The following ARHGAP44 variants were observed in gnomAD, a reference collection of about 807,000 sequenced individuals.
The protein encoded by ARHGAP44 is rho GTPase-activating protein 44.
Under a neutral mutation model 106.8 loss-of-function variants are expected in ARHGAP44, and 43 were observed. The ratio of observed to expected loss-of-function variants is 0.40; its 90% CI spans 0.32 to 0.52. ARHGAP44 has a LOEUF of 0.52. Ranked by LOEUF, ARHGAP44 falls within the 20% of genes least tolerant of loss-of-function variation. ARHGAP44 has a pLI of 0.48. For synonymous variants in ARHGAP44, 439 were observed against 410.3 expected, an observed-to-expected ratio of 1.07 and a Z score of -0.85; for missense variants, 866 against 1,050.5, an observed-to-expected ratio of 0.82 and a Z score of 2.43.
At position 12,840,760 on chromosome 17, in the gene ARHGAP44, A is replaced by G. The variant is rs553621456; in HGVS notation, c.53+50869A>G. On this transcript the variant is annotated intron_variant, in intron 1 of 20. Coordinates refer to ENST00000379672, the MANE Select transcript of ARHGAP44 (RefSeq NM_014859.6). Reference sequence around the variant, plus strand: ...AAGAGCGGAGATTCATGTCATAGACATAAATTAACCTGAGACGGCACAAGT... The same window carrying G: ...AAGAGCGGAGATTCATGTCATAGACGTAAATTAACCTGAGACGGCACAAGT... Among the ~76,000 whole-genome samples the G allele has an allele frequency of 2.0e-5, 3 of 152,364 alleles. No homozygotes were observed. The South Asian group carries it at 6.2e-4, about 32-fold the overall frequency.
intron 1 of ARHGAP44, among the ~76,000 whole-genome samples, chr17:12,857,171 T>G (rs76696750): frequency 0.026 from 3,930 of 152,310 alleles, 161 homozygotes; most frequent in African/African-American, 0.086. Flanking sequence ...GGGTGCTTGT[T>G]CATGTGCAAG....
rs566199034 is a variant in ARHGAP44, at chr17:12,974,007, A to T, written c.1542-82A>T. ...CTGCGCTGCTCTTCTCCCAACGCGG[A>T]CCTGCTTGAATGTGGGGGAGGGAGC... is the stretch of plus-strand genomic sequence containing the variant. On this transcript the variant is annotated intron_variant, in intron 17 of 20. Transcript: ENST00000379672. The T allele has an allele frequency of 3.0e-4, 419 of 1,396,922 alleles. No homozygotes were observed. The African/African-American group carries it at 5.2e-3, about 17-fold the overall frequency. 86.5% of individuals were successfully genotyped at this position (1,396,922 alleles called of 1,614,324 possible).
chr17:12,895,855 A>G (rs2037186419), intron 2 of ARHGAP44, among the ~76,000 whole-genome samples: 2 of 152,164 alleles, frequency 1.3e-5, no homozygotes. Context: ...ACCAACCCAA[A>G]TGTCCATCAA....
rs776346185 is a variant in ARHGAP44 at position 12,849,568 on chromosome 17, C to CTT, written c.54-45347_54-45346dup. 7.6e-3 allele frequency among the ~76,000 whole-genome samples: 531 copies of CTT among 69,918 alleles called. 71 individuals carry two copies. Among genetic ancestry groups the CTT allele is most frequent in the African/African-American group, 0.039 (435 of 11,290 alleles). The allele number at this position is 69,918 out of a possible 152,430, so 45.9% of individuals were successfully genotyped here. On this transcript the variant is annotated intron_variant, in intron 1 of 20. Coordinates refer to ENST00000379672, the MANE Select transcript of ARHGAP44 (RefSeq NM_014859.6). Reference sequence around the variant, plus strand: ...CTAGTCTTTCCTTCCTACTTTTGTCCTTTTTTTTTTTTTTTTTTTTTTTTT... The same window carrying CTT: ...CTAGTCTTTCCTTCCTACTTTTGTCCTTTTTTTTTTTTTTTTTTTTTTTTTTT...
chr17:12,848,652 G>T (rs1279775868), intron 1 of ARHGAP44, among the ~76,000 whole-genome samples: 2 of 152,082 alleles, frequency 1.3e-5, no homozygotes, highest in South Asian at 2.1e-4. Context: ...ATCCCTCATT[G>T]GCTTCATCTT....
chr17:12,963,707 G>A (rs995076205), intron 16 of ARHGAP44, among the ~76,000 whole-genome samples: 7 of 152,104 alleles, frequency 4.6e-5, no homozygotes, highest in African/African-American at 1.4e-4. Flanking sequence ...CACCAGTGCC[G>A]TGTGTGCAGA....
intron 3 of ARHGAP44, among the ~76,000 whole-genome samples, chr17:12,898,868 T>G (rs952445594): frequency 6.6e-6 from 1 of 152,194 alleles, no homozygotes; most frequent in African/African-American, 2.4e-5. Context: ...TGCAGTCACA[T>G]GCATGCAGTG....
intron 16 of ARHGAP44, among the ~76,000 whole-genome samples, chr17:12,960,565 C>CAAAAAAA (rs373750247): frequency 6.7e-6 from 1 of 149,488 alleles, no homozygotes. Flanking sequence ...GACTCCATCT[C>CAAAAAAA]AAAGAAAAAA....
chr17:12,884,931 C>T (rs1421235608), intron 1 of ARHGAP44, among the ~76,000 whole-genome samples: 2 of 151,964 alleles, frequency 1.3e-5, no homozygotes, highest in Non-Finnish European at 2.9e-5. Context: ...GATGGAGTCT[C>T]GCTGTGTCAC....
At chr17:12,802,969 ATTTTTT>A (rs1162376884) in intron 1 of ARHGAP44, among the ~76,000 whole-genome samples, 15 of 40,842 alleles carry the variant, frequency 3.7e-4, no homozygotes, top group East Asian at 9.9e-4. Context: ...ATATATATAT[ATTTTTT>A]TTTTTTTTTT....
At chr17:12,928,893 C>G (rs1381262440) in intron 6 of ARHGAP44, 36 bp from the exon 7 acceptor site, 5 of 1,563,448 alleles carry the variant, frequency 3.2e-6, no homozygotes, top group Non-Finnish European at 4.4e-6. Context: ...AGGGCTCTAC[C>G]TGTCTCACAT....
intron 3 of ARHGAP44, among the ~76,000 whole-genome samples, chr17:12,901,845 A>G (rs1598023837): frequency 6.6e-6 from 1 of 152,074 alleles, no homozygotes; most frequent in East Asian, 1.9e-4. Flanking sequence ...ACCATTCTTT[A>G]TTCTTTCCTT....
At chr17:12,896,233 A>G (rs1041772254) in intron 2 of ARHGAP44, among the ~76,000 whole-genome samples, 174 bp from the exon 3 acceptor site, 2 of 152,118 alleles carry the variant, frequency 1.3e-5, no homozygotes, top group African/African-American at 2.4e-5. Flanking sequence ...CATTGTGCAC[A>G]CGTACCTTAG....
chr17:12,938,299 T>C (rs6502219), intron 7 of ARHGAP44, among the ~76,000 whole-genome samples: 55,821 of 151,906 alleles, frequency 0.37, 10,970 homozygotes, highest in African/African-American at 0.51. Context: ...AGTAAGTAGA[T>C]ATAATTGTAG....
chr17:12,874,747 C>T (rs2036502018), intron 1 of ARHGAP44, among the ~76,000 whole-genome samples: 1 of 149,672 alleles, frequency 6.7e-6, no homozygotes, highest in Non-Finnish European at 1.5e-5. Flanking sequence ...AAAAAAAAGG[C>T]AGTTGTGCCC....
intron 1 of ARHGAP44, among the ~76,000 whole-genome samples, chr17:12,839,332 T>G (rs1361588054): frequency 6.6e-6 from 1 of 152,206 alleles, no homozygotes; most frequent in African/African-American, 2.4e-5. Context: ...CAAGGGAAAC[T>G]TCTTTAACCT....
At chr17:12,959,108 G>A in intron 16 of ARHGAP44, 1 of 591,264 alleles carries the variant, frequency 1.7e-6, no homozygotes, top group East Asian at 3.0e-5. Flanking sequence ...AGCCTTCTTA[G>A]CTGACACAGT....
intron 1 of ARHGAP44, among the ~76,000 whole-genome samples, chr17:12,862,981 A>G (rs1184778297): frequency 6.6e-6 from 1 of 150,778 alleles, no homozygotes; most frequent in Admixed American, 6.6e-5. Context: ...GACCCTGTCT[A>G]TTAAAAAAAT....
rs1017119460 is a variant in ARHGAP44, at chr17:12,892,924, A to G, written c.54-2016A>G. 5.9e-5 allele frequency among the ~76,000 whole-genome samples: 9 copies of G among 151,766 alleles called. No individual in the cohort carries two copies. In the East Asian group the frequency reaches 1.7e-3, roughly 29 times the overall value. The stretch of plus-strand genomic sequence containing the variant: ...CAAAAGTGTTTATTACTACACGTTG[A>G]AGCATTTTCATAATGAATACTTTAA... On this transcript the variant is annotated intron_variant, in intron 1 of 20. Transcript: ENST00000379672.
Sources: allele counts gnomAD v4.1 joint callset (sites outside exome capture counted in the v4.1 genomes callset), GRCh38; gene constraint gnomAD v4.1.1; transcripts MANE v1.5; gene names NCBI Gene and HGNC (gene_info 2026-07-23, HGNC 2026-07-21).